The following BMPR1A variants were observed in gnomAD, a reference collection of about 807,000 sequenced individuals.
The protein encoded by BMPR1A is bone morphogenetic protein receptor type-1A.
Under a neutral mutation model 66.0 loss-of-function variants are expected in BMPR1A, and 7 were observed. The observed-to-expected ratio is 0.11, with a 90% CI of 0.06 to 0.20. The LOEUF (loss-of-function observed/expected upper bound fraction) is 0.20. Among genes scored for constraint, BMPR1A ranks in the 10% least tolerant of loss-of-function variants. The pLI is 1.00. For missense variants in BMPR1A, 408 were observed against 669.1 expected (o/e 0.61, Z 4.31); for synonymous variants, 200 against 229.7 (o/e 0.87, Z 1.17).
rs73346182 is a variant in BMPR1A, at chr10:86,778,874, C to G, written c.-268+21955C>G. ...TGGCTTATTTCATTTAATATAATGT[C>G]TTCCAGTTCCATCCATATTGCTGTG... On this transcript the variant is annotated intron_variant, in intron 1 of 12. Transcript: ENST00000372037. 1.9e-3 allele frequency among the ~76,000 whole-genome samples: 281 copies of G among 148,972 alleles called. 1 individual carries two copies. Among genetic ancestry groups the G allele is most frequent in the African/African-American group, 6.6e-3 (268 of 40,472 alleles).
intron 1 of BMPR1A, among the ~76,000 whole-genome samples, chr10:86,774,831 T>C (rs1367036292): frequency 1.3e-5 from 2 of 152,196 alleles, no homozygotes; most frequent in Non-Finnish European, 1.5e-5. Context: ...AATACAACCA[T>C]CTCAGTTAAT....
At chr10:86,805,461 CTTTTTTTTT>C (rs1332479141) in intron 1 of BMPR1A, among the ~76,000 whole-genome samples, 1 of 109,054 alleles carries the variant, frequency 9.2e-6, no homozygotes, top group Non-Finnish European at 1.8e-5. Context: ...TTTCAGTTTC[CTTTTTTTTT>C]TTTTTTTTTG....
intron 1 of BMPR1A, among the ~76,000 whole-genome samples, chr10:86,837,287 C>G (rs568313683): frequency 1.7e-4 from 16 of 94,898 alleles, no homozygotes; most frequent in Non-Finnish European, 3.0e-4. Context: ...TCAGGCTGGT[C>G]TCGAACTCCT....
chr10:86,902,910 C>T (rs1398655139), intron 7 of BMPR1A, among the ~76,000 whole-genome samples: 1 of 152,130 alleles, frequency 6.6e-6, no homozygotes, highest in Admixed American at 6.6e-5. Context: ...TCTGTTCACA[C>T]CAGCTGTGAG....
rs536336857 is a variant in BMPR1A, at chr10:86,787,241, C to A, written c.-268+30322C>A. Among the ~76,000 whole-genome samples the A allele has an allele frequency of 4.6e-5, 7 of 151,772 alleles. No individual in the cohort carries two copies. In the South Asian group the frequency reaches 1.0e-3, roughly 23 times the overall value. On this transcript the variant is annotated intron_variant, in intron 1 of 12. Coordinates refer to ENST00000372037, the MANE Select transcript of BMPR1A (RefSeq NM_004329.3). ...ACTTTAAATTTAGCATTTAATAGAC[C>A]AGGAACAACACACCAGTAAAGAAAG...
chr10:86,899,977 C>T, intron 6 of BMPR1A, 50 bp from the exon 7 acceptor site: 1 of 1,610,464 alleles, frequency 6.2e-7, no homozygotes, highest in Non-Finnish European at 8.5e-7. Flanking sequence ...TTGAACACGT[C>T]AGATTATTTT....
intron 7 of BMPR1A, among the ~76,000 whole-genome samples, 183 bp downstream of exon 7, chr10:86,900,309 A>T (rs374516608): frequency 5.3e-5 from 8 of 152,042 alleles, no homozygotes; most frequent in African/African-American, 1.9e-4. Flanking sequence ...ATTGGGCACA[A>T]TTTCATACTT....
chr10:86,781,880 T>TTG (rs1841442430), intron 1 of BMPR1A, among the ~76,000 whole-genome samples: 1 of 146,892 alleles, frequency 6.8e-6, no homozygotes, highest in East Asian at 2.0e-4. Flanking sequence ...TTTTTTTTTT[T>TTG]GAGATGGAGT....
chr10:86,809,101 C>CA (rs528600403), intron 1 of BMPR1A, among the ~76,000 whole-genome samples: 41 of 151,268 alleles, frequency 2.7e-4, no homozygotes, highest in East Asian at 1.4e-3. Context: ...ATAGGGAAGG[C>CA]AAAAAAAATC....
Position 86,919,092 on chromosome 10 carries a change from C to T in BMPR1A, c.869-80C>T, listed in dbSNP as rs1310394102. ...ATCTGCACATGATACCTAAGTTTTT[C>T]TCAGTATCCAGAATGAGCATTACTT... On this transcript the variant is annotated intron_variant, in intron 9 of 12. Coordinates refer to ENST00000372037, the MANE Select transcript of BMPR1A (RefSeq NM_004329.3). The T allele has an allele frequency of 5.2e-6, 8 of 1,536,842 alleles. No homozygotes were observed. In the East Asian group the frequency reaches 9.0e-5, roughly 17 times the overall value.
At chr10:86,796,650 C>CA (rs1841715528) in intron 1 of BMPR1A, among the ~76,000 whole-genome samples, 1 of 151,544 alleles carries the variant, frequency 6.6e-6, no homozygotes, top group Non-Finnish European at 1.5e-5. Context: ...GATCTCAGTT[C>CA]ACTGCAACTT....
At chr10:86,876,416 T>C (rs1312791645) in intron 3 of BMPR1A, among the ~76,000 whole-genome samples, 1 of 152,192 alleles carries the variant, frequency 6.6e-6, no homozygotes, top group African/African-American at 2.4e-5. Context: ...GGGTAATAGG[T>C]AGTCCAGGCT....
At chr10:86,774,893 T>C (rs537213186) in intron 1 of BMPR1A, among the ~76,000 whole-genome samples, 1 of 152,314 alleles carries the variant, frequency 6.6e-6, no homozygotes, top group East Asian at 1.9e-4. Flanking sequence ...TAGACTAGTT[T>C]TAAGAAAAGA....
At chr10:86,844,411 C>T (rs78025979) in intron 2 of BMPR1A, among the ~76,000 whole-genome samples, 1,725 of 152,158 alleles carry the variant, frequency 0.011, 28 homozygotes, top group South Asian at 0.079. Flanking sequence ...ATAGAATTAC[C>T]GCTTAAGGAA....
chr10:86,829,253 TAAAAG>T (rs1226253674), intron 1 of BMPR1A, among the ~76,000 whole-genome samples: 2 of 152,124 alleles, frequency 1.3e-5, no homozygotes, highest in Non-Finnish European at 2.9e-5. Context: ...CACACCTACA[TAAAAG>T]AAAGATAATT....
intron 8 of BMPR1A, among the ~76,000 whole-genome samples, chr10:86,916,240 G>C (rs754402242): frequency 3.3e-5 from 5 of 152,104 alleles, no homozygotes; most frequent in Non-Finnish European, 4.4e-5. Context: ...CTTATAGATG[G>C]GATTTTTAAG....
chr10:86,802,408 A>G (rs193113931), intron 1 of BMPR1A, among the ~76,000 whole-genome samples: 32 of 152,342 alleles, frequency 2.1e-4, no homozygotes, highest in African/African-American at 7.5e-4. Flanking sequence ...AACCCATGTT[A>G]AAGAATCTGA....
intron 1 of BMPR1A, among the ~76,000 whole-genome samples, chr10:86,768,360 T>A (rs1264211188): frequency 6.6e-6 from 1 of 152,226 alleles, no homozygotes; most frequent in Non-Finnish European, 1.5e-5. Flanking sequence ...TGGATTATGC[T>A]ATTAAAGATG....
At chr10:86,862,862 G>A (rs533526247) in intron 2 of BMPR1A, among the ~76,000 whole-genome samples, 1 of 152,204 alleles carries the variant, frequency 6.6e-6, no homozygotes, top group East Asian at 1.9e-4. Context: ...AACGGAGGTG[G>A]GAAAGACTTA....
Sources: allele counts gnomAD v4.1 joint callset (sites outside exome capture counted in the v4.1 genomes callset), GRCh38; gene constraint gnomAD v4.1.1; transcripts MANE v1.5; gene names NCBI Gene and HGNC (gene_info 2026-07-23, HGNC 2026-07-21).